Variants in GRID1 observed in about 807,000 individuals in gnomAD.
GRID1 encodes glutamate ionotropic receptor delta type subunit 1.
GRID1 carries 28 observed loss-of-function variants against 98.0 expected under a neutral mutation model. That is an observed-to-expected ratio of 0.29 (90% CI 0.21 to 0.39). The LOEUF is 0.39. GRID1 is among the 10% of genes least tolerant of loss of function. The pLI, the probability that GRID1 is intolerant of heterozygous loss-of-function variation, is 1.00. For synonymous variants in GRID1, 553 were observed against 538.5 expected, an observed-to-expected ratio of 1.03 and a Z score of -0.37; for missense variants, 1,111 against 1,340.5, an observed-to-expected ratio of 0.83 and a Z score of 2.67.
At chr10:85,944,221 T>C (rs537890772) in intron 4 of GRID1, among the ~76,000 whole-genome samples, 2 of 152,336 alleles carry the variant, frequency 1.3e-5, no homozygotes, top group Admixed American at 1.3e-4. Context: ...CACAGAATTG[T>C]GAGCTAAAAT....
At chr10:85,936,762 T>C (rs1841932697) in intron 4 of GRID1, among the ~76,000 whole-genome samples, 1 of 152,224 alleles carries the variant, frequency 6.6e-6, no homozygotes. Flanking sequence ...ATTTAATATT[T>C]TTATTGAGTT....
chr10:85,974,006 G>C (rs1172095060), intron 4 of GRID1, among the ~76,000 whole-genome samples: 1 of 152,120 alleles, frequency 6.6e-6, no homozygotes, highest in Non-Finnish European at 1.5e-5. Context: ...CACCTGGATG[G>C]CCCAGCTCCA....
Position 85,599,802 on chromosome 10 carries a change from A to AAAAAAAAAAAAAAAAAAATATAT in GRID1, c.*2470_*2471insATATATTTTTTTTTTTTTTTTTT. On this transcript the variant is annotated 3_prime_UTR_variant, in exon 16 of 16. Transcript: ENST00000327946. ...GTAGAAAATTCTAAAAAAAAAAAAA[A>AAAAAAAAAAAAAAAAAAATATAT]ATATATATATATATATATAAACATG... 6.2e-5 allele frequency: 4 copies of AAAAAAAAAAAAAAAAAAATATAT among 64,978 alleles called. No homozygotes were observed. The highest frequency in any genetic ancestry group is 3.7e-4 in the African/African-American group (4 of 10,728). 4.0% of individuals were successfully genotyped at this position (64,978 alleles called of 1,614,324 possible). A position where few individuals can be genotyped will look rare whatever the true frequency, so the allele number is the denominator to read the frequency against.
chr10:85,642,562 A>G (rs973374677), intron 13 of GRID1, among the ~76,000 whole-genome samples: 3 of 152,100 alleles, frequency 2.0e-5, no homozygotes, highest in Non-Finnish European at 4.4e-5. Flanking sequence ...CAAACAGATG[A>G]CTCATTCAGG....
chr10:85,954,918 T>G (rs1306633809), intron 4 of GRID1, among the ~76,000 whole-genome samples: 5 of 152,232 alleles, frequency 3.3e-5, no homozygotes, highest in Admixed American at 3.3e-4. Context: ...TCAAACCCAC[T>G]GCAGACACTT....
In GRID1 at chr10:86,342,890, G is replaced by C. The variant is rs149475523; in HGVS notation, c.235+21051C>G. 7.7e-3 allele frequency among the ~76,000 whole-genome samples: 1,172 copies of C among 152,366 alleles called. 13 individuals are homozygous for C. The highest frequency in any genetic ancestry group is 0.027 in the African/African-American group (1,114 of 41,584). On this transcript the variant is annotated intron_variant, in intron 2 of 15. Transcript: ENST00000327946. ...ATGTTTGTTCCTGTGAAAAGCACAG[G>C]CTCTTTAAAGATAAAGATCCTGGCG... is the stretch of plus-strand genomic sequence containing the variant.
chr10:86,113,353 C>T (rs1455564539), intron 4 of GRID1, among the ~76,000 whole-genome samples: 1 of 152,198 alleles, frequency 6.6e-6, no homozygotes, highest in Non-Finnish European at 1.5e-5. Context: ...CAGGCATTCT[C>T]TCTCTGTTCC....
chr10:86,206,565 C>T lies in GRID1; in HGVS notation c.319G>A (p.Asp107Asn), dbSNP rs1215745920. ...AAGAGGTGTGGGATGTGCATGGCAT[C>T]CGTGAGGGACTGCAGGGCATTGGCA... ...ASANALQSLT[D>N]AMHIPHLFVQ... Residue 107 changes from aspartate to asparagine, a missense_variant, in exon 3 of 16, where the codon GAT becomes AAT. Transcript: ENST00000327946. This position sits in a 1 kb window ranked among gnomAD's most constrained non-coding sequence, Gnocchi z 4.1. 6.2e-7 allele frequency: 1 copy of T among 1,614,060 alleles called. No homozygotes were observed. The highest frequency in any genetic ancestry group is 1.3e-5 in the African/African-American group (1 of 74,928).
At chr10:86,129,765 C>T (rs1193118536) in intron 4 of GRID1, among the ~76,000 whole-genome samples, 3 of 152,210 alleles carry the variant, frequency 2.0e-5, no homozygotes. Flanking sequence ...AAAATGGTCC[C>T]AACTCTCTGT....
chr10:86,297,101 T>C (rs879534558), intron 2 of GRID1, among the ~76,000 whole-genome samples: 2 of 152,148 alleles, frequency 1.3e-5, no homozygotes, highest in Admixed American at 1.3e-4. Flanking sequence ...TTTAATTCAA[T>C]CTCAATCAAA....
chr10:85,895,015 AAATATATAT>A (rs1841268787), intron 5 of GRID1, among the ~76,000 whole-genome samples: 3 of 122,832 alleles, frequency 2.4e-5, no homozygotes, highest in South Asian at 5.4e-4. Flanking sequence ...AAAAAAAAAA[AAATATATAT>A]ATATATATAT....
intron 4 of GRID1, among the ~76,000 whole-genome samples, chr10:85,928,259 G>A (rs1255441993): frequency 2.0e-5 from 3 of 152,194 alleles, no homozygotes; most frequent in Non-Finnish European, 4.4e-5. Context: ...GGGAGCTTGA[G>A]ACCAGCCTGG....
chr10:85,776,590 G>C (rs534320736), intron 8 of GRID1, among the ~76,000 whole-genome samples: 2 of 152,290 alleles, frequency 1.3e-5, no homozygotes, highest in South Asian at 2.1e-4. Context: ...AGCAGAAGGG[G>C]AGATCACTGC....
At chr10:86,177,449 G>A (rs557114591) in intron 3 of GRID1, among the ~76,000 whole-genome samples, 1 of 152,024 alleles carries the variant, frequency 6.6e-6, no homozygotes, top group South Asian at 2.1e-4. Flanking sequence ...GGGGGGGTGG[G>A]TGCATGCATT....
chr10:85,968,123 G>A (rs1842360460), intron 4 of GRID1, among the ~76,000 whole-genome samples: 1 of 152,160 alleles, frequency 6.6e-6, no homozygotes, highest in Non-Finnish European at 1.5e-5. Context: ...AGGTATAAAT[G>A]TATTTTTGTA....
Position 85,785,996 on chromosome 10 carries a change from G to A in GRID1, c.1234-56382C>T, listed in dbSNP as rs953155190. 7.9e-5 allele frequency among the ~76,000 whole-genome samples: 12 copies of A among 151,278 alleles called. No individual in the cohort carries two copies. In the South Asian group the frequency reaches 8.4e-4, roughly 11 times the overall value. On this transcript the variant is annotated intron_variant, in intron 8 of 15. Coordinates refer to ENST00000327946, the MANE Select transcript of GRID1 (RefSeq NM_017551.3). ...CCACACACTACACAGACACACACAC[G>A]TACACATACTATACACATACACATA...
At chr10:85,668,865 G>A (rs1380622411) in intron 12 of GRID1, among the ~76,000 whole-genome samples, 2 of 152,216 alleles carry the variant, frequency 1.3e-5, no homozygotes, top group African/African-American at 4.8e-5. Context: ...GTTCTCAACA[G>A]CTCATGATCC....
At chr10:85,678,474 C>A (rs1390340800) in intron 12 of GRID1, among the ~76,000 whole-genome samples, 1 of 152,126 alleles carries the variant, frequency 6.6e-6, no homozygotes, top group African/African-American at 2.4e-5. Context: ...GAGTGGACTT[C>A]CCCAAGGTCC....
At chr10:85,974,335 C>T (rs568081195) in intron 4 of GRID1, among the ~76,000 whole-genome samples, 44 of 152,252 alleles carry the variant, frequency 2.9e-4, no homozygotes, top group African/African-American at 1.0e-3. Flanking sequence ...CAGAGATTAT[C>T]ACCTGCCTCT....
Sources: gnomAD v4.1 joint callset for allele counts (sites outside exome capture counted in the v4.1 genomes callset) on GRCh38, gnomAD v4.1.1 for gene constraint, Gnocchi (gnomAD v3.1) non-coding constraint, MANE v1.5 for transcripts, NCBI Gene and HGNC (gene_info 2026-07-23, HGNC 2026-07-21) for gene names.